Variants in RAE1 observed in about 807,000 individuals in gnomAD.
The protein encoded by RAE1 is mRNA export factor RAE1.
A neutral mutation model predicts 52.7 loss-of-function variants in RAE1; 13 were observed. That is an observed-to-expected ratio of 0.25 (90% CI 0.16 to 0.39). The LOEUF (loss-of-function observed/expected upper bound fraction) is 0.39. RAE1 is among the 10% of genes least tolerant of loss of function. RAE1 has a pLI of 1.00. For synonymous variants in RAE1, 164 were observed against 153.1 expected, an observed-to-expected ratio of 1.07 and a Z score of -0.52; for missense variants, 262 against 459.8, an observed-to-expected ratio of 0.57 and a Z score of 3.93.
Position 57,351,365 on chromosome 20 carries a change from A to G in RAE1, c.-65A>G, listed in dbSNP as rs1392623733. On this transcript the variant is annotated 5_prime_UTR_variant, in exon 1 of 12. Transcript: ENST00000395841. ...GTCCTTCGCGCCAGAGCAGGTTCGCAAACTCCTCAGACCCTTCTGCTCCCG... is the reference window on the plus strand; with the variant it reads ...GTCCTTCGCGCCAGAGCAGGTTCGCGAACTCCTCAGACCCTTCTGCTCCCG... The G allele has an allele frequency of 2.0e-6, 2 of 985,312 alleles. No individual in the cohort carries two copies. The highest frequency in any genetic ancestry group is 2.4e-6 in the Non-Finnish European group (2 of 829,966). 61.0% of individuals were successfully genotyped at this position (985,312 alleles called of 1,614,324 possible).
chr20:57,367,015 A>T lies in RAE1; in HGVS notation c.470A>T (p.Asp157Val), dbSNP rs1600719951. Residue 157 changes from aspartate (D) to valine (V), a missense_variant, in exon 7 of 12, where the codon GAT becomes GTT. Transcript: ENST00000395841. ...GSWDKTLKFWDTRSSNPMMVL... is the reference protein window; with the variant it reads ...GSWDKTLKFWVTRSSNPMMVL... The stretch of plus-strand genomic sequence containing the variant: ...TCTCTTTTTTGCTTTTAGTTTTGGG[A>T]TACTCGATCGTCAAATCCTATGATG... 1 of 1,609,760 alleles carries T rather than the reference A, an allele frequency of 6.2e-7. No homozygotes were observed. The highest frequency in any genetic ancestry group is 1.3e-5 in the African/African-American group (1 of 74,922).
At chr20:57,373,389 CAT>C (rs765055549) in intron 8 of RAE1, 84 bp from the exon 9 acceptor site, 23 of 1,324,590 alleles carry the variant, frequency 1.7e-5, no homozygotes, top group Middle Eastern at 2.0e-4. Context: ...AAAACCTAAA[CAT>C]GGGGTAAAAA....
Position 57,373,697 on chromosome 20 carries a change from T to C in RAE1, c.784T>C (p.Ser262Pro). Residue 262 changes from serine to proline, a missense_variant, in exon 10 of 12, where the codon TCT (serine) becomes CCT (proline). Coordinates refer to ENST00000395841, the MANE Select transcript of RAE1 (RefSeq NM_003610.4). ...KDNFTFKCHR[S>P]NGTNTSAPQD... is the part of the protein sequence containing the mutation. ...TAACTTCACCTTTAAATGTCATCGA[T>C]CTAATGGAACCAACACTTCAGCTCC... 6.2e-7 allele frequency: 1 copy of C among 1,614,198 alleles called. No individual in the cohort carries two copies. Among genetic ancestry groups the C allele is most frequent in the Non-Finnish European group, 8.5e-7 (1 of 1,180,016 alleles).
chr20:57,359,064 C>A (rs1464567766), intron 4 of RAE1: 1 of 1,477,722 alleles, frequency 6.8e-7, no homozygotes. Context: ...ATTTAGAGAA[C>A]AAGTGATTAT....
chr20:57,367,319 A>C lies in RAE1; in HGVS notation c.534+240A>C, dbSNP rs371334095. On this transcript the variant is annotated intron_variant, in intron 7 of 11. Transcript: ENST00000395841. ...AAGTTTTCCTGCCACTCGTTTGAAC[A>C]TATGCAGCTAGCTACATGCCATCTC... 2.0e-5 allele frequency among the ~76,000 whole-genome samples: 3 copies of C among 152,206 alleles called. No individual in the cohort carries two copies. The East Asian group carries it at 5.8e-4, about 29-fold the overall frequency.
chr20:57,366,897 T>C lies in RAE1; in HGVS notation c.462+4T>C, dbSNP rs2066961953. 1.2e-6 allele frequency: 2 copies of C among 1,606,800 alleles called. No homozygotes were observed. Among genetic ancestry groups the C allele is most frequent in the East Asian group, 2.2e-5 (1 of 44,824 alleles). ...GAGCTGGGATAAGACTTTAAAGGTA[T>C]AATGTGCAGTTGAGGCATTGTTTGG... On this transcript the variant is annotated splice_donor_region_variant and intron_variant, in intron 6 of 11. Coordinates refer to ENST00000395841, the MANE Select transcript of RAE1 (RefSeq NM_003610.4).
At chr20:57,371,566 G>C (rs959505900) in intron 8 of RAE1, 1 of 152,192 alleles carries the variant, frequency 6.6e-6, no homozygotes, top group Non-Finnish European at 1.5e-5. Flanking sequence ...GATAACAAGC[G>C]CTGGGGAGGG....
chr20:57,355,513 T>C (rs868631319), intron 3 of RAE1, among the ~76,000 whole-genome samples: 5 of 152,218 alleles, frequency 3.3e-5, no homozygotes, highest in Non-Finnish European at 7.3e-5. Flanking sequence ...GCAATAGTTA[T>C]CAAAAATCCT....
intron 3 of RAE1, 106 bp downstream of exon 3, chr20:57,354,922 T>G: frequency 1.2e-6 from 1 of 804,178 alleles, no homozygotes; most frequent in Non-Finnish European, 1.9e-6. Context: ...TGGACTTATT[T>G]ATGGCCTTTT....
chr20:57,369,205 T>A (rs1248817431), intron 8 of RAE1, among the ~76,000 whole-genome samples: 2 of 152,368 alleles, frequency 1.3e-5, no homozygotes, highest in East Asian at 3.9e-4. Context: ...GGTTGATGCT[T>A]TCATACCATC....
rs6070087 is a variant in RAE1 at position 57,374,595 on chromosome 20, C to T, written c.826-12C>T. The T allele has an allele frequency of 7.6e-3, 12,260 of 1,605,184 alleles. 59 individuals are homozygous for T. Among genetic ancestry groups the T allele is most frequent in the Non-Finnish European group, 9.3e-3 (10,893 of 1,174,944 alleles). On this transcript the variant is annotated splice_polypyrimidine_tract_variant and intron_variant, in intron 10 of 11. Coordinates refer to ENST00000395841, the MANE Select transcript of RAE1 (RefSeq NM_003610.4). ...CTGCCTGGCTTCTCATTGTGCATGT[C>T]AATCCTTGCAGGTAAATGGAATCGC...
chr20:57,356,158 G>A (rs1439682002), intron 3 of RAE1, among the ~76,000 whole-genome samples: 1 of 152,176 alleles, frequency 6.6e-6, no homozygotes, highest in East Asian at 1.9e-4. Context: ...TCTCTGAATG[G>A]TAATGGGTAA....
chr20:57,372,072 A>T (rs2067043795), intron 8 of RAE1: 1 of 152,200 alleles, frequency 6.6e-6, no homozygotes, highest in South Asian at 2.1e-4. Context: ...AAACAAGATG[A>T]GAATGTTCTA....
intron 3 of RAE1, among the ~76,000 whole-genome samples, chr20:57,356,181 T>C (rs1246377036): frequency 3.9e-5 from 6 of 152,262 alleles, no homozygotes; most frequent in Non-Finnish European, 1.5e-5. Context: ...GATATTCTAC[T>C]TTAAAAGACA....
At chr20:57,351,790 C>G in intron 1 of RAE1, 2 of 985,508 alleles carry the variant, frequency 2.0e-6, no homozygotes. Context: ...TTAGCCTCTT[C>G]CACGTCAACC....
chr20:57,376,731 C>G (rs530523404), intron 11 of RAE1, among the ~76,000 whole-genome samples: 305 of 152,356 alleles, frequency 2.0e-3, no homozygotes, highest in Non-Finnish European at 3.5e-3. Flanking sequence ...GAGGCCTCAG[C>G]TCCCACATCG....
chr20:57,351,384 G>T lies in RAE1; in HGVS notation c.-46G>T. 1.0e-6 allele frequency: 1 copy of T among 985,462 alleles called. No homozygotes were observed. Among genetic ancestry groups the T allele is most frequent in the Non-Finnish European group, 1.2e-6 (1 of 829,944 alleles). 61.0% of individuals were successfully genotyped at this position (985,462 alleles called of 1,614,324 possible). Reference sequence around the variant, plus strand: ...GTTCGCAAACTCCTCAGACCCTTCTGCTCCCGGCCGCCGCTTTCCGCCGGG... The same window carrying T: ...GTTCGCAAACTCCTCAGACCCTTCTTCTCCCGGCCGCCGCTTTCCGCCGGG... On this transcript the variant is annotated 5_prime_UTR_variant, in exon 1 of 12. Coordinates refer to ENST00000395841, the MANE Select transcript of RAE1 (RefSeq NM_003610.4).
At chr20:57,352,961 G>T (rs2066732429) in intron 1 of RAE1, among the ~76,000 whole-genome samples, 1 of 152,212 alleles carries the variant, frequency 6.6e-6, no homozygotes, top group Admixed American at 6.5e-5. Flanking sequence ...ATGTACATGT[G>T]CTTGTAGCTG....
At chr20:57,358,664 C>T (rs2066837240) in intron 4 of RAE1, 1 of 227,888 alleles carries the variant, frequency 4.4e-6, no homozygotes, top group Non-Finnish European at 8.5e-6. Flanking sequence ...AGCGGCTACA[C>T]CATTAGGATG....
Sources: allele counts gnomAD v4.1 joint callset (sites outside exome capture counted in the v4.1 genomes callset), GRCh38; gene constraint gnomAD v4.1.1; transcripts MANE v1.5; gene names NCBI Gene and HGNC (gene_info 2026-07-23, HGNC 2026-07-21).